The following ZNF827 variants were observed in gnomAD, a reference collection of about 807,000 sequenced individuals.
The protein encoded by ZNF827 is zinc finger protein 827.
A neutral mutation model predicts 102.4 loss-of-function variants in ZNF827; 13 were observed. The ratio of observed to expected loss-of-function variants is 0.13; its 90% confidence interval spans 0.08 to 0.20. The LOEUF (loss-of-function observed/expected upper bound fraction) is 0.20, where lower values mean the gene tolerates loss of function less well. Among genes scored for constraint, ZNF827 ranks in the 10% least tolerant of loss-of-function variants. ZNF827 has a pLI of 1.00. For missense variants in ZNF827, 1,103 were observed against 1,344.4 expected (o/e 0.82, Z 2.81); for synonymous variants, 523 against 536.2 (o/e 0.98, Z 0.34).
At chr4:145,912,940 T>C (rs1465444048) in intron 1 of ZNF827, among the ~76,000 whole-genome samples, 2 of 152,344 alleles carry the variant, frequency 1.3e-5, no homozygotes, top group East Asian at 3.9e-4. Flanking sequence ...TTTTCCTGAA[T>C]TTGTTCACCT....
At chr4:145,876,082 A>G (rs1467655924) in intron 4 of ZNF827, among the ~76,000 whole-genome samples, 3 of 152,186 alleles carry the variant, frequency 2.0e-5, no homozygotes, top group Admixed American at 6.5e-5. Context: ...CTGCAGTTGT[A>G]GTAATGTCAT....
At chr4:145,932,071 A>C (rs528863817) in intron 1 of ZNF827, among the ~76,000 whole-genome samples, 28 of 152,348 alleles carry the variant, frequency 1.8e-4, no homozygotes, top group African/African-American at 6.7e-4. Flanking sequence ...CACTATATAA[A>C]GACACAGCAA....
At chr4:145,877,054 CT>C (rs763890843) in intron 4 of ZNF827, among the ~76,000 whole-genome samples, 3 of 151,984 alleles carry the variant, frequency 2.0e-5, no homozygotes, top group Non-Finnish European at 2.9e-5. Flanking sequence ...TTTTTTCCCC[CT>C]AATTGCTTGG....
intron 1 of ZNF827, among the ~76,000 whole-genome samples, chr4:145,924,272 A>G (rs1420456486): frequency 2.0e-5 from 3 of 152,272 alleles, no homozygotes; most frequent in African/African-American, 7.2e-5. Flanking sequence ...CTTAGGAGAC[A>G]GGGAGCAGGA....
intron 1 of ZNF827, 48 bp from the exon 2 acceptor site, chr4:145,903,263 G>A (rs1751576873): frequency 6.5e-7 from 1 of 1,546,862 alleles, no homozygotes; most frequent in African/African-American, 1.4e-5. Context: ...TGAACAATAA[G>A]TAAGTCTCAA....
intron 8 of ZNF827, among the ~76,000 whole-genome samples, chr4:145,804,147 G>A (rs1157251464): frequency 6.6e-6 from 1 of 152,180 alleles, no homozygotes; most frequent in Non-Finnish European, 1.5e-5. Flanking sequence ...ATATGCGTGT[G>A]TACACACAGA....
At chr4:145,771,971 C>T (rs1455278481) in intron 11 of ZNF827, among the ~76,000 whole-genome samples, 1 of 152,136 alleles carries the variant, frequency 6.6e-6, no homozygotes, top group Non-Finnish European at 1.5e-5. Context: ...AGATGGAGGT[C>T]CAGAGAAGTT....
At position 145,849,390 on chromosome 4, in the gene ZNF827, G is replaced by A. The variant is rs372700399; in HGVS notation, c.2153C>T (p.Pro718Leu). 4 of 1,613,998 alleles carry A rather than the reference G, an allele frequency of 2.5e-6. No individual in the cohort carries two copies. The African/African-American group carries it at 5.3e-5, about 22-fold the overall frequency. The change falls in exon 6 of 15, where the codon CCA becomes CTA. Residue 718 changes from proline to leucine, a missense_variant. By Grantham distance (98) the Pro-to-Leu change is moderately conservative. Around this residue, in one of 5 missense-constraint regions of ZNF827, gnomAD observed 243 missense variants for 251.6 expected, o/e 0.97. Transcript: ENST00000508784. The part of the protein sequence containing the change: ...LQKMPEGRVP[P>L]ERNLFSQDIS... ...ATCCTGACTGAAGAGGTTTCTCTCT[G>A]GGGGTACTCTGCCCTCTGGCATCTT...
intron 4 of ZNF827, among the ~76,000 whole-genome samples, chr4:145,881,045 G>C (rs1278288739): frequency 1.3e-5 from 2 of 152,220 alleles, no homozygotes; most frequent in Non-Finnish European, 2.9e-5. Context: ...AAGCAAGATG[G>C]GGAGCTGCCA....
intron 8 of ZNF827, among the ~76,000 whole-genome samples, chr4:145,795,265 A>G (rs1740256855): frequency 6.6e-6 from 1 of 152,190 alleles, no homozygotes; most frequent in Admixed American, 6.5e-5. Context: ...CTCATGCCTC[A>G]GCCTTCCGAG....
chr4:145,768,168 T>G (rs546660322), intron 11 of ZNF827, among the ~76,000 whole-genome samples: 230 of 152,278 alleles, frequency 1.5e-3, no homozygotes, highest in African/African-American at 5.4e-3. Context: ...AAACTAAAGA[T>G]GTACTCTTTT....
At chr4:145,935,771 C>G (rs1754115922) in intron 1 of ZNF827, among the ~76,000 whole-genome samples, 1 of 152,070 alleles carries the variant, frequency 6.6e-6, no homozygotes, top group Non-Finnish European at 1.5e-5. Flanking sequence ...GAAAGGCCCA[C>G]CAAGCACACG....
At chr4:145,883,757 G>C (rs1304116958) in intron 4 of ZNF827, among the ~76,000 whole-genome samples, 1 of 152,106 alleles carries the variant, frequency 6.6e-6, no homozygotes, top group Non-Finnish European at 1.5e-5. Flanking sequence ...TGTTAGGTAA[G>C]GAAATGTCCC....
At chr4:145,908,371 G>A (rs530514817) in intron 1 of ZNF827, among the ~76,000 whole-genome samples, 4 of 152,068 alleles carry the variant, frequency 2.6e-5, no homozygotes, top group Non-Finnish European at 5.9e-5. Flanking sequence ...GCTTTCTCAC[G>A]GTCAACTCTC....
At position 145,768,763 on chromosome 4, in the gene ZNF827, CAGG is replaced by C. The variant is rs745732989; in HGVS notation, c.2861-3028_2861-3026del. Among the ~76,000 whole-genome samples the C allele has an allele frequency of 1.5e-4, 20 of 137,816 alleles. No individual in the cohort carries two copies. The East Asian group carries it at 4.6e-3, about 31-fold the overall frequency. 90.4% of individuals were successfully genotyped at this position (137,816 alleles called of 152,430 possible). On this transcript the variant is annotated intron_variant, in intron 11 of 14. Coordinates refer to ENST00000508784, the MANE Select transcript of ZNF827 (RefSeq NM_001306215.2). ...ATCCCAGCTACTTGGGAGGGTGAGG[CAGG>C]AGAATCGCTTGAACCCATGGAGGCG...
chr4:145,789,935 T>A (rs1231707611), intron 8 of ZNF827, among the ~76,000 whole-genome samples: 1 of 152,270 alleles, frequency 6.6e-6, no homozygotes, highest in Non-Finnish European at 1.5e-5. Context: ...ACCCAACTCC[T>A]CTTTGGCCTC....
chr4:145,856,859 C>T (rs1747173021), intron 5 of ZNF827, among the ~76,000 whole-genome samples: 2 of 152,158 alleles, frequency 1.3e-5, no homozygotes, highest in Non-Finnish European at 2.9e-5. Flanking sequence ...ATTAAATACT[C>T]TTTTCTGGTG....
chr4:145,845,510 T>C (rs1745843150), intron 7 of ZNF827, among the ~76,000 whole-genome samples: 2 of 152,198 alleles, frequency 1.3e-5, no homozygotes, highest in Non-Finnish European at 1.5e-5. Flanking sequence ...TGGGATATCC[T>C]TGGTGACAAA....
chr4:145,938,129 G>C (rs184124424), intron 1 of ZNF827, among the ~76,000 whole-genome samples: 3 of 151,754 alleles, frequency 2.0e-5, no homozygotes, highest in Non-Finnish European at 4.4e-5. Context: ...AAAAGGGGGG[G>C]GGTGAGAGAA....
Sources: gnomAD v4.1 joint callset for allele counts (sites outside exome capture counted in the v4.1 genomes callset) on GRCh38, gnomAD v4.1.1 for gene constraint, gnomAD v4.1.1 regional missense constraint, MANE v1.5 for transcripts, NCBI Gene and HGNC (gene_info 2026-07-23, HGNC 2026-07-21) for gene names.